TTBK2: variants seen among roughly 807,000 people sequenced by gnomAD.
The protein encoded by TTBK2 is tau tubulin kinase 2.
A neutral mutation model predicts 110.8 loss-of-function variants in TTBK2; 28 were observed. That is an observed-to-expected ratio of 0.25 (90% CI 0.19 to 0.35). The LOEUF is 0.35. Among genes scored for constraint, TTBK2 ranks in the 10% least tolerant of loss-of-function variants. The pLI is 1.00. For missense variants in TTBK2, 1,369 were observed against 1,500.3 expected, an observed-to-expected ratio of 0.91 and a Z score of 1.45; for synonymous variants, 532 against 527.3, an observed-to-expected ratio of 1.01 and a Z score of -0.12.
At chr15:42,804,008 CAAAAAA>C (rs781131720) in intron 9 of TTBK2, among the ~76,000 whole-genome samples, 26 of 51,052 alleles carry the variant, frequency 5.1e-4, no homozygotes, top group African/African-American at 1.1e-3. Context: ...GCGAGGAGTG[CAAAAAA>C]AAAAAAAAAA....
chr15:42,750,542 C>T (rs2061851186), intron 14 of TTBK2, among the ~76,000 whole-genome samples: 1 of 150,726 alleles, frequency 6.6e-6, no homozygotes, highest in South Asian at 2.1e-4. Flanking sequence ...GAAGACAGGA[C>T]AATGGAAAGT....
intron 3 of TTBK2, among the ~76,000 whole-genome samples, chr15:42,865,776 T>C (rs139596300): frequency 0.017 from 2,571 of 152,164 alleles, 36 homozygotes; most frequent in Non-Finnish European, 0.025. Context: ...TTAGCTATGA[T>C]CACACCGCTG....
intron 13 of TTBK2, among the ~76,000 whole-genome samples, chr15:42,774,359 C>T (rs1230513750): frequency 6.6e-6 from 1 of 152,142 alleles, no homozygotes; most frequent in Admixed American, 6.5e-5. Context: ...CTTTTCATGG[C>T]TTTGCTTGGC....
At chr15:42,758,235 T>TA (rs1462383849) in intron 13 of TTBK2, among the ~76,000 whole-genome samples, 24 of 152,252 alleles carry the variant, frequency 1.6e-4, no homozygotes, top group African/African-American at 5.8e-4. Flanking sequence ...TGAGCAGAGA[T>TA]ATACATAGAA....
intron 2 of TTBK2, among the ~76,000 whole-genome samples, chr15:42,878,014 TTAA>T (rs1433375461): frequency 6.9e-6 from 1 of 144,634 alleles, no homozygotes; most frequent in Non-Finnish European, 1.5e-5. Context: ...ACAATTTTCC[TTAA>T]TAAAAAAAAA....
chr15:42,833,039 G>T (rs972751216), intron 4 of TTBK2, among the ~76,000 whole-genome samples: 2 of 151,934 alleles, frequency 1.3e-5, no homozygotes, highest in Admixed American at 6.6e-5. Flanking sequence ...AGACACTGGG[G>T]TCTACTGGAC....
At chr15:42,761,845 G>C (rs1228782012) in intron 13 of TTBK2, among the ~76,000 whole-genome samples, 1 of 152,188 alleles carries the variant, frequency 6.6e-6, no homozygotes, top group African/African-American at 2.4e-5. Flanking sequence ...TACAGTGTTT[G>C]TGGGTGTAAC....
chr15:42,823,736 T>TG lies in TTBK2; in HGVS notation c.537+4191dup, dbSNP rs758881820. ...TTTCCTAAACATTATTTTTTTTGTG[T>TG]GATTTTTTTTTTTTTTAGCTCATCA... is the stretch of plus-strand genomic sequence containing the variant. On this transcript the variant is annotated intron_variant, in intron 6 of 14. Coordinates refer to ENST00000267890, the MANE Select transcript of TTBK2 (RefSeq NM_173500.4). Among the ~76,000 whole-genome samples the TG allele has an allele frequency of 3.2e-3, 472 of 146,590 alleles. 2 individuals carry two copies. The highest frequency in any genetic ancestry group is 6.9e-3 in the Middle Eastern group (2 of 290).
At chr15:42,822,446 A>G (rs1892345202) in intron 6 of TTBK2, among the ~76,000 whole-genome samples, 1 of 152,200 alleles carries the variant, frequency 6.6e-6, no homozygotes, top group Non-Finnish European at 1.5e-5. Context: ...AAAAGAAAAA[A>G]TAAACCGGGC....
intron 6 of TTBK2, among the ~76,000 whole-genome samples, chr15:42,820,323 T>C (rs1409559933): frequency 6.6e-6 from 1 of 152,050 alleles, no homozygotes; most frequent in African/African-American, 2.4e-5. Context: ...TGAAGCACAA[T>C]GAAATATAAA....
At chr15:42,889,616 C>T (rs1359916152) in intron 1 of TTBK2, among the ~76,000 whole-genome samples, 1 of 152,148 alleles carries the variant, frequency 6.6e-6, no homozygotes, top group Non-Finnish European at 1.5e-5. Context: ...TGTCTTGGGT[C>T]CTCCCAATTC....
intron 3 of TTBK2, among the ~76,000 whole-genome samples, chr15:42,869,236 C>T (rs988054647): frequency 5.3e-5 from 8 of 151,924 alleles, no homozygotes; most frequent in African/African-American, 4.8e-5. Flanking sequence ...GACAGGCGCA[C>T]GCCACCACGC....
At chr15:42,856,442 T>C (rs141905131) in intron 3 of TTBK2, among the ~76,000 whole-genome samples, 326 of 152,040 alleles carry the variant, frequency 2.1e-3, no homozygotes, top group African/African-American at 7.3e-3. Context: ...GGCAACAAAA[T>C]ATAATGCAAT....
intron 3 of TTBK2, among the ~76,000 whole-genome samples, chr15:42,841,591 C>G (rs991512962): frequency 1.3e-5 from 2 of 151,944 alleles, no homozygotes; most frequent in Admixed American, 1.3e-4. Context: ...TGAGAAGTAT[C>G]GAAAAGATTT....
chr15:42,902,145 G>C (rs1370237747), intron 1 of TTBK2, among the ~76,000 whole-genome samples: 3 of 151,844 alleles, frequency 2.0e-5, no homozygotes, highest in Non-Finnish European at 4.4e-5. Context: ...GAACCCAGGA[G>C]GGAGAGGTTG....
chr15:42,834,195 A>AG (rs1187116010), intron 4 of TTBK2, among the ~76,000 whole-genome samples: 3,502 of 119,098 alleles, frequency 0.029, 275 homozygotes, highest in East Asian at 0.12. Flanking sequence ...AAAAAAAAAA[A>AG]AGGGGGGGGG....
chr15:42,805,341 T>C (rs758479905), intron 9 of TTBK2, among the ~76,000 whole-genome samples: 12 of 151,992 alleles, frequency 7.9e-5, no homozygotes, highest in Non-Finnish European at 1.0e-4. Context: ...GCTCTAAGAG[T>C]TGAACCGAAG....
intron 13 of TTBK2, among the ~76,000 whole-genome samples, chr15:42,769,117 G>A (rs1472001901): frequency 6.6e-6 from 1 of 152,060 alleles, no homozygotes; most frequent in African/African-American, 2.4e-5. Context: ...AATTCAAGAT[G>A]GATTAAAGAC....
intron 14 of TTBK2, among the ~76,000 whole-genome samples, chr15:42,746,616 CT>C (rs1290052096): frequency 3.3e-5 from 5 of 152,258 alleles, no homozygotes; most frequent in Admixed American, 6.5e-5. Context: ...GTTAAATTGT[CT>C]CTAGCATGTT....
Sources: gnomAD v4.1 joint callset for allele counts (sites outside exome capture counted in the v4.1 genomes callset) on GRCh38, gnomAD v4.1.1 for gene constraint, MANE v1.5 for transcripts, NCBI Gene and HGNC (gene_info 2026-07-23, HGNC 2026-07-21) for gene names.